Variants in CYP4F22 observed in about 807,000 individuals in gnomAD.
The protein encoded by CYP4F22 is ultra-long-chain fatty acid omega-hydroxylase.
A neutral mutation model predicts 60.4 loss-of-function variants in CYP4F22; 37 were observed. The observed-to-expected ratio is 0.61, with a 90% CI of 0.47 to 0.81. The LOEUF is 0.81. CYP4F22 is among the 30% of genes least tolerant of loss of function. The probability of loss-of-function intolerance (pLI) is 0.00; values close to 1 mark genes in which losing one functional copy is unlikely to be tolerated. For synonymous variants in CYP4F22, 258 were observed against 280.5 expected (o/e 0.92, Z 0.80); for missense variants, 655 against 715.0 (o/e 0.92, Z 0.96).
At chr19:15,544,386 T>C (rs1321885267) in intron 10 of CYP4F22, 107 bp downstream of exon 10, 4 of 1,367,660 alleles carry the variant, frequency 2.9e-6, no homozygotes, top group South Asian at 2.5e-5. Flanking sequence ...CAAGCCACTT[T>C]AGCTTCCTGA....
intron 11 of CYP4F22, 141 bp downstream of exon 11, chr19:15,548,382 G>T: frequency 7.4e-7 from 1 of 1,360,518 alleles, no homozygotes. Context: ...TGTTGCTTCT[G>T]GGGTGTTGGA....
intron 7 of CYP4F22, among the ~76,000 whole-genome samples, chr19:15,539,486 C>T (rs1316815457): frequency 6.6e-6 from 1 of 152,230 alleles, no homozygotes; most frequent in African/African-American, 2.4e-5. Flanking sequence ...AATAATGCTG[C>T]TATTAACATT....
At chr19:15,532,626 C>T (rs1392478546) in intron 4 of CYP4F22, among the ~76,000 whole-genome samples, 1 of 151,930 alleles carries the variant, frequency 6.6e-6, no homozygotes, top group Admixed American at 6.6e-5. Context: ...AAGTGATTCT[C>T]CTGCCTTGGC....
chr19:15,518,882 C>T (rs1197465639), intron 1 of CYP4F22, among the ~76,000 whole-genome samples: 5 of 151,790 alleles, frequency 3.3e-5, no homozygotes, highest in Admixed American at 6.6e-5. Flanking sequence ...CCAGTGGGAA[C>T]GGGCCACTGC....
chr19:15,510,966 A>ATATATATATATATATTTT (rs34055543), intron 1 of CYP4F22, among the ~76,000 whole-genome samples: 1 of 103,308 alleles, frequency 9.7e-6, no homozygotes, highest in Non-Finnish European at 1.8e-5. Flanking sequence ...ATATATATAT[A>ATATATATATATATATTTT]TTTTTTTTTT....
At chr19:15,536,363 G>A (rs932830499) in intron 4 of CYP4F22, among the ~76,000 whole-genome samples, 2 of 152,172 alleles carry the variant, frequency 1.3e-5, no homozygotes, top group Non-Finnish European at 2.9e-5. Context: ...AAAAAGTTAT[G>A]TGGTGTTAGT....
intron 1 of CYP4F22, among the ~76,000 whole-genome samples, chr19:15,513,557 G>A (rs906193722): frequency 1.3e-5 from 2 of 151,914 alleles, no homozygotes; most frequent in South Asian, 2.1e-4. Context: ...GTAGAGACGG[G>A]GTTTCACCGT....
intron 1 of CYP4F22, chr19:15,516,833 T>TTA: frequency 5.5e-5 from 22 of 400,936 alleles, no homozygotes; most frequent in Non-Finnish European, 8.3e-5. Flanking sequence ...AGAGATGTTA[T>TTA]TCTTTTTTTT....
chr19:15,529,669 G>A, intron 3 of CYP4F22, 40 bp from the exon 4 acceptor site: 1 of 1,612,658 alleles, frequency 6.2e-7, no homozygotes, highest in Non-Finnish European at 8.5e-7. Context: ...GGAAGCTGGG[G>A]CTGGGTACCT....
chr19:15,539,036 G>A (rs943025482), intron 7 of CYP4F22, among the ~76,000 whole-genome samples: 6 of 152,292 alleles, frequency 3.9e-5, no homozygotes, highest in African/African-American at 1.2e-4. Context: ...TGGCTTTGTT[G>A]AGACACAATT....
chr19:15,540,075 T>C (rs1971440120), intron 7 of CYP4F22, among the ~76,000 whole-genome samples: 1 of 152,176 alleles, frequency 6.6e-6, no homozygotes. Flanking sequence ...AACCATTTAG[T>C]TTTAGTGATG....
intron 4 of CYP4F22, 25 bp from the exon 5 acceptor site, chr19:15,537,336 A>G: frequency 1.9e-6 from 3 of 1,613,874 alleles, no homozygotes; most frequent in Non-Finnish European, 1.7e-6. Flanking sequence ...GTTTTGAGTC[A>G]CCATTTTCCC....
At chr19:15,535,671 T>C (rs111141172) in intron 4 of CYP4F22, among the ~76,000 whole-genome samples, 51,755 of 151,938 alleles carry the variant, frequency 0.34, 9,466 homozygotes, top group East Asian at 0.65. Context: ...CATTCATCCA[T>C]CCATCCATCC....
At chr19:15,514,867 A>G (rs1054269691) in intron 1 of CYP4F22, among the ~76,000 whole-genome samples, 5 of 152,188 alleles carry the variant, frequency 3.3e-5, no homozygotes, top group African/African-American at 1.2e-4. Context: ...AAGTTAGGTC[A>G]TGCTGAATAG....
Position 15,540,611 on chromosome 19 carries a change from T to A in CYP4F22, c.833T>A (p.Val278Asp). Residue 278 changes from valine to aspartate, a missense_variant, in exon 8 of 14, where the codon GTC becomes GAC. Transcript: ENST00000269703. ...ATGGTGCACCACTTCACCACTGAAGTCATCCAGGAACGGCGGCGGGCACTG... is the reference window on the plus strand; with the variant it reads ...ATGGTGCACCACTTCACCACTGAAGACATCCAGGAACGGCGGCGGGCACTG... The part of the protein sequence containing the change: ...CDMVHHFTTE[V>D]IQERRRALRQ... 1 of 1,614,210 alleles carries A rather than the reference T, an allele frequency of 6.2e-7. No homozygotes were observed. Among genetic ancestry groups the A allele is most frequent in the Non-Finnish European group, 8.5e-7 (1 of 1,180,040 alleles).
At chr19:15,512,469 C>T (rs1226411780) in intron 1 of CYP4F22, among the ~76,000 whole-genome samples, 1 of 152,152 alleles carries the variant, frequency 6.6e-6, no homozygotes, top group African/African-American at 2.4e-5. Flanking sequence ...CCATGCCCAG[C>T]TATTTCTTTT....
In CYP4F22 at chr19:15,541,737, G is replaced by A. The variant is rs113140593; in HGVS notation, c.939+1020G>A. 2.2e-4 allele frequency among the ~76,000 whole-genome samples: 34 copies of A among 151,860 alleles called. No individual in the cohort carries two copies. In the East Asian group the frequency reaches 5.0e-3, roughly 23 times the overall value. ...CTCTACTAAAAATACAAAATTAGCC[G>A]GGCGTGGTGGCACACACCTGTAATC... On this transcript the variant is annotated intron_variant, in intron 8 of 13. Transcript: ENST00000269703.
At chr19:15,519,274 T>G (rs1455530416) in intron 1 of CYP4F22, among the ~76,000 whole-genome samples, 1 of 151,762 alleles carries the variant, frequency 6.6e-6, no homozygotes, top group Non-Finnish European at 1.5e-5. Context: ...TTTTTTTTTT[T>G]TTTTTTGAGA....
rs187689125 is a variant in CYP4F22 at position 15,547,267 on chromosome 19, G to A, written c.1137-841G>A. 3.3e-5 allele frequency among the ~76,000 whole-genome samples: 5 copies of A among 151,272 alleles called. No homozygotes were observed. In the East Asian group the frequency reaches 5.9e-4, roughly 18 times the overall value. On this transcript the variant is annotated intron_variant, in intron 10 of 13. Coordinates refer to ENST00000269703, the MANE Select transcript of CYP4F22 (RefSeq NM_173483.4). ...CTTGAACTCCTGACCTCAGACGATC[G>A]CCCATCTCAGCCTCTGCAAGTGCTG... is the stretch of plus-strand genomic sequence containing the variant.
Sources: gnomAD v4.1 joint callset for allele counts (sites outside exome capture counted in the v4.1 genomes callset) on GRCh38, gnomAD v4.1.1 for gene constraint, MANE v1.5 for transcripts, NCBI Gene and HGNC (gene_info 2026-07-23, HGNC 2026-07-21) for gene names.